Variants in CNTNAP2 observed in about 807,000 individuals in gnomAD.
CNTNAP2 encodes the protein contactin associated protein 2, also known as contactin-associated protein-like 2.
Under a neutral mutation model 155.2 loss-of-function variants are expected in CNTNAP2, and 98 were observed. That is an observed-to-expected ratio of 0.63 (90% CI 0.54 to 0.75). The LOEUF is 0.75. CNTNAP2 is among the 30% of genes least tolerant of loss of function. The pLI, the probability that CNTNAP2 is intolerant of heterozygous loss-of-function variation, is 0.00. For synonymous variants in CNTNAP2, 651 were observed against 631.2 expected (o/e 1.03, Z -0.47); for missense variants, 1,727 against 1,688.1 (o/e 1.02, Z -0.40).
intron 1 of CNTNAP2, among the ~76,000 whole-genome samples, chr7:146,502,863 C>A (rs185136254): frequency 6.3e-4 from 96 of 152,316 alleles, no homozygotes; most frequent in African/African-American, 2.2e-3. Flanking sequence ...GATCTGCCTG[C>A]CTCAGCCTAC....
At chr7:146,301,433 G>A (rs1800608169) in intron 1 of CNTNAP2, among the ~76,000 whole-genome samples, 1 of 151,920 alleles carries the variant, frequency 6.6e-6, no homozygotes, top group Non-Finnish European at 1.5e-5. Context: ...GACCATCATG[G>A]CTAACATGGT....
intron 8 of CNTNAP2, among the ~76,000 whole-genome samples, chr7:147,278,597 T>C (rs1804956253): frequency 6.6e-6 from 1 of 151,740 alleles, no homozygotes; most frequent in African/African-American, 2.4e-5. Context: ...CATTTAATTA[T>C]TAAAATGAAA....
At chr7:146,979,114 G>T (rs898461892) in intron 3 of CNTNAP2, among the ~76,000 whole-genome samples, 1 of 152,068 alleles carries the variant, frequency 6.6e-6, no homozygotes, top group East Asian at 1.9e-4. Flanking sequence ...CTTTCCCCCA[G>T]TATTGATTTT....
chr7:146,187,368 G>A (rs1798639243), intron 1 of CNTNAP2, among the ~76,000 whole-genome samples: 1 of 152,190 alleles, frequency 6.6e-6, no homozygotes, highest in Non-Finnish European at 1.5e-5. Flanking sequence ...AATGGTAGAA[G>A]CAAAGGAAGT....
chr7:146,233,600 A>T (rs1799421728), intron 1 of CNTNAP2, among the ~76,000 whole-genome samples: 1 of 152,086 alleles, frequency 6.6e-6, no homozygotes, highest in African/African-American at 2.4e-5. Flanking sequence ...TATCTCCTAA[A>T]GCTATCCCTC....
At chr7:148,362,516 C>A (rs1045356843) in intron 21 of CNTNAP2, among the ~76,000 whole-genome samples, 3 of 152,160 alleles carry the variant, frequency 2.0e-5, no homozygotes, top group Non-Finnish European at 4.4e-5. Context: ...CTGGTGGCCA[C>A]CCTTGTGGCG....
intron 1 of CNTNAP2, among the ~76,000 whole-genome samples, chr7:146,694,607 G>T (rs1800751867): frequency 6.6e-6 from 1 of 152,040 alleles, no homozygotes. Flanking sequence ...ATAAACTTTA[G>T]AATCAGTGTG....
At position 146,523,607 on chromosome 7, in the gene CNTNAP2, A is replaced by G. The variant is rs367880752; in HGVS notation, c.98-250664A>G. Among the ~76,000 whole-genome samples, 17 of 152,182 alleles carry G rather than the reference A, an allele frequency of 1.1e-4. No individual in the cohort carries two copies. In the South Asian group the frequency reaches 3.5e-3, roughly 32 times the overall value. ...TTTGGATGTGCACCATTTAAAAAAT[A>G]AGGTCTTTCTTTAAAAATGCTCATA... On this transcript the variant is annotated intron_variant, in intron 1 of 23. Transcript: ENST00000361727.
At chr7:148,088,847 G>C (rs1803786720) in intron 15 of CNTNAP2, among the ~76,000 whole-genome samples, 1 of 151,600 alleles carries the variant, frequency 6.6e-6, no homozygotes. Flanking sequence ...GCCAGAAAAA[G>C]CACCACAAGA....
At chr7:146,509,097 T>C (rs913385833) in intron 1 of CNTNAP2, among the ~76,000 whole-genome samples, 4 of 152,024 alleles carry the variant, frequency 2.6e-5, no homozygotes, top group Non-Finnish European at 5.9e-5. Flanking sequence ...ATGTGGGAGG[T>C]AAGGTGTTCA....
Position 146,733,732 on chromosome 7 carries a change from A to C in CNTNAP2, c.98-40539A>C, listed in dbSNP as rs534994609. On this transcript the variant is annotated intron_variant, in intron 1 of 23. Transcript: ENST00000361727. ...AGAAATATAAATGAGGAAAAGGAAG[A>C]GAGAAAAGGAGCCAGACAAGACTTG... 2.8e-4 allele frequency among the ~76,000 whole-genome samples: 42 copies of C among 152,240 alleles called. 1 individual carries two copies. The South Asian group carries it at 5.8e-3, about 21-fold the overall frequency.
At chr7:146,585,545 A>G (rs112570602) in intron 1 of CNTNAP2, among the ~76,000 whole-genome samples, 33 of 152,272 alleles carry the variant, frequency 2.2e-4, no homozygotes, top group African/African-American at 7.7e-4. Flanking sequence ...TTTATCTGAA[A>G]AGATAAACTA....
intron 1 of CNTNAP2, among the ~76,000 whole-genome samples, chr7:146,197,294 T>A (rs1259245323): frequency 6.6e-6 from 1 of 152,208 alleles, no homozygotes; most frequent in Non-Finnish European, 1.5e-5. Flanking sequence ...AGGAACTTAC[T>A]AAAGAATGTC....
intron 1 of CNTNAP2, among the ~76,000 whole-genome samples, chr7:146,762,727 C>A (rs1389005555): frequency 6.6e-6 from 1 of 152,122 alleles, no homozygotes; most frequent in Non-Finnish European, 1.5e-5. Context: ...TTCCACGTGG[C>A]TGGGGAGGCC....
At chr7:146,817,394 C>T (rs187688069) in intron 2 of CNTNAP2, among the ~76,000 whole-genome samples, 34 of 152,072 alleles carry the variant, frequency 2.2e-4, no homozygotes, top group African/African-American at 7.7e-4. Context: ...ATTGCTTGAA[C>T]CCGGGAGGCG....
At chr7:147,725,171 A>G (rs1301055878) in intron 13 of CNTNAP2, among the ~76,000 whole-genome samples, 2 of 152,022 alleles carry the variant, frequency 1.3e-5, no homozygotes, top group African/African-American at 4.8e-5. Flanking sequence ...AGAGATGGGT[A>G]TAGTGCAAAA....
chr7:146,529,465 C>G (rs1797736744), intron 1 of CNTNAP2, among the ~76,000 whole-genome samples: 1 of 152,084 alleles, frequency 6.6e-6, no homozygotes, highest in African/African-American at 2.4e-5. Flanking sequence ...TAATTCAGAG[C>G]TTTCATCTGA....
intron 9 of CNTNAP2, among the ~76,000 whole-genome samples, chr7:147,315,193 G>A (rs1218782510): frequency 6.7e-6 from 1 of 148,990 alleles, no homozygotes; most frequent in African/African-American, 2.5e-5. Flanking sequence ...CCAGAAATAT[G>A]CATTTTAAAC....
intron 2 of CNTNAP2, among the ~76,000 whole-genome samples, chr7:146,799,342 G>A (rs2129191075): frequency 6.6e-6 from 1 of 152,160 alleles, no homozygotes; most frequent in East Asian, 1.9e-4. Context: ...TCATTCCCTA[G>A]GTGACGTCTC....
Sources: allele counts gnomAD v4.1 joint callset (sites outside exome capture counted in the v4.1 genomes callset), GRCh38; gene constraint gnomAD v4.1.1; transcripts MANE v1.5; gene names NCBI Gene and HGNC (gene_info 2026-07-23, HGNC 2026-07-21).